The following BCAS3 variants were observed in gnomAD, a reference collection of about 807,000 sequenced individuals.
The protein encoded by BCAS3 is BCAS3 microtubule associated cell migration factor.
A neutral mutation model predicts 116.1 loss-of-function variants in BCAS3; 53 were observed. The observed-to-expected ratio is 0.46, with a 90% confidence interval of 0.37 to 0.57. BCAS3 has a LOEUF of 0.57. BCAS3 is among the 20% of genes least tolerant of loss of function. BCAS3 has a pLI of 0.00. For missense variants in BCAS3, 917 were observed against 1,165.4 expected (o/e 0.79, Z 3.10); for synonymous variants, 391 against 408.2 (o/e 0.96, Z 0.51).
chr17:61,094,057 G>A (rs747027179), intron 22 of BCAS3, among the ~76,000 whole-genome samples: 2 of 152,132 alleles, frequency 1.3e-5, no homozygotes, highest in Non-Finnish European at 2.9e-5. Context: ...AGTATAGATG[G>A]TGCAGAAGCA....
At chr17:61,223,012 A>G (rs2082191095) in intron 22 of BCAS3, among the ~76,000 whole-genome samples, 1 of 152,096 alleles carries the variant, frequency 6.6e-6, no homozygotes, top group South Asian at 2.1e-4. Flanking sequence ...TGTTCCCAAA[A>G]TCACTAGTTT....
chr17:61,248,727 A>G lies in BCAS3; in HGVS notation c.2426-119600A>G, dbSNP rs1446172695. On this transcript the variant is annotated intron_variant, in intron 22 of 23. Coordinates refer to ENST00000407086, the MANE Select transcript of BCAS3 (RefSeq NM_017679.5). This position sits in a 1 kb window ranked among gnomAD's most constrained non-coding sequence, Gnocchi z 4.3. ...TAAGGCCCCTAACACAAATGATACCAGGACTTCTTTGAATATTCTATTTAG... is the reference window on the plus strand; with the variant it reads ...TAAGGCCCCTAACACAAATGATACCGGGACTTCTTTGAATATTCTATTTAG... 3.9e-5 allele frequency among the ~76,000 whole-genome samples: 6 copies of G among 152,110 alleles called. No individual in the cohort carries two copies. Among genetic ancestry groups the G allele is most frequent in the Admixed American group, 2.0e-4 (3 of 15,276 alleles).
chr17:61,380,715 C>T lies in BCAS3; in HGVS notation c.2594-11262C>T. The T allele has an allele frequency of 1.4e-6, 1 of 702,266 alleles. No individual in the cohort carries two copies. Among genetic ancestry groups the T allele is most frequent in the South Asian group, 1.8e-5 (1 of 57,090 alleles). 43.5% of individuals were successfully genotyped at this position (702,266 alleles called of 1,614,324 possible). ...AGGGGTCAGCTCAGATGGGAGGTCT[C>T]TTCTGGAAGGGGACTGGTTTGGGAT... On this transcript the variant is annotated intron_variant, in intron 23 of 23. Transcript: ENST00000407086. The surrounding 1 kb of genome is among the most constrained non-coding windows in gnomAD (Gnocchi z 4.2).
At chr17:61,322,836 G>GAGAGAGAGAGAC (rs2055387865) in intron 22 of BCAS3, among the ~76,000 whole-genome samples, 1 of 139,912 alleles carries the variant, frequency 7.1e-6, no homozygotes, top group Non-Finnish European at 1.5e-5. Flanking sequence ...GAGACAGAGA[G>GAGAGAGAGAGAC]AGAGAGAGAG....
chr17:60,922,509 A>C (rs1599709659), intron 12 of BCAS3, among the ~76,000 whole-genome samples: 1 of 152,234 alleles, frequency 6.6e-6, no homozygotes, highest in Admixed American at 6.5e-5. Flanking sequence ...AATTTTCCAC[A>C]TGCATGTTAG....
intron 22 of BCAS3, among the ~76,000 whole-genome samples, chr17:61,291,119 C>A (rs904610906): frequency 2.6e-5 from 4 of 152,164 alleles, no homozygotes; most frequent in African/African-American, 9.7e-5. Context: ...GAACCAAGTC[C>A]ATTTTGTGTT....
intron 5 of BCAS3, among the ~76,000 whole-genome samples, chr17:60,729,973 T>C (rs2040297664): frequency 6.6e-6 from 1 of 152,234 alleles, no homozygotes; most frequent in Non-Finnish European, 1.5e-5. Context: ...TGGTTTTACA[T>C]TAACATCTAC....
chr17:60,975,504 T>C (rs941340866), intron 14 of BCAS3, among the ~76,000 whole-genome samples: 5 of 152,234 alleles, frequency 3.3e-5, no homozygotes, highest in Non-Finnish European at 7.3e-5. Context: ...GGAAACTGGC[T>C]AGTTAGTGTT....
intron 7 of BCAS3, among the ~76,000 whole-genome samples, chr17:60,826,455 G>A (rs776757455): frequency 2.2e-4 from 33 of 152,110 alleles, no homozygotes; most frequent in South Asian, 2.1e-4. Flanking sequence ...GATTACAGGC[G>A]TGAGCCACCA....
chr17:61,169,516 T>A lies in BCAS3; in HGVS notation c.2425+84952T>A, dbSNP rs147462155. 5.6e-3 allele frequency among the ~76,000 whole-genome samples: 851 copies of A among 152,148 alleles called. 12 individuals are homozygous for A. The highest frequency in any genetic ancestry group is 0.019 in the African/African-American group (809 of 41,512). On this transcript the variant is annotated intron_variant, in intron 22 of 23. Coordinates refer to ENST00000407086, the MANE Select transcript of BCAS3 (RefSeq NM_017679.5). ...TCAAACTCCTGGCCTTATGCAATCC[T>A]CCCATCTTGGCCTCCCAAAGTGCTA...
chr17:61,317,414 G>A (rs2054833722), intron 22 of BCAS3, among the ~76,000 whole-genome samples: 1 of 152,200 alleles, frequency 6.6e-6, no homozygotes, highest in Non-Finnish European at 1.5e-5. Context: ...CCTTTACTGG[G>A]AAACAAGCCT....
rs997988506 is a variant in BCAS3 at position 61,235,197 on chromosome 17, C to T, written c.2426-133130C>T. On this transcript the variant is annotated intron_variant, in intron 22 of 23. Coordinates refer to ENST00000407086, the MANE Select transcript of BCAS3 (RefSeq NM_017679.5). The surrounding 1 kb of genome is among the most constrained non-coding windows in gnomAD (Gnocchi z 5.0). ...CCACCACGCCTGGCTGTCTGCCCCCCGCCTGTCCTAAGCACTTTAAATGTG... is the reference window on the plus strand; with the variant it reads ...CCACCACGCCTGGCTGTCTGCCCCCTGCCTGTCCTAAGCACTTTAAATGTG... Among the ~76,000 whole-genome samples the T allele has an allele frequency of 3.9e-5, 6 of 152,226 alleles. No homozygotes were observed. Among genetic ancestry groups the T allele is most frequent in the African/African-American group, 7.2e-5 (3 of 41,576 alleles).
chr17:61,277,082 A>G (rs938295337), intron 22 of BCAS3, among the ~76,000 whole-genome samples: 10 of 151,924 alleles, frequency 6.6e-5, no homozygotes, highest in Non-Finnish European at 1.0e-4. Context: ...GGGAAACATA[A>G]TGAGACCTTG....
intron 3 of BCAS3, among the ~76,000 whole-genome samples, chr17:60,685,632 C>T (rs902045993): frequency 2.6e-5 from 4 of 151,964 alleles, no homozygotes; most frequent in Non-Finnish European, 5.9e-5. Flanking sequence ...TAAAGGGTGT[C>T]ATGTATATAA....
intron 22 of BCAS3, among the ~76,000 whole-genome samples, chr17:61,277,642 A>G (rs994397233): frequency 1.4e-5 from 2 of 145,236 alleles, no homozygotes; most frequent in Non-Finnish European, 3.0e-5. Flanking sequence ...TACTACATAC[A>G]TACACAATAA....
At chr17:61,195,616 A>T (rs1568552930) in intron 22 of BCAS3, among the ~76,000 whole-genome samples, 1 of 149,750 alleles carries the variant, frequency 6.7e-6, no homozygotes, top group South Asian at 2.1e-4. Context: ...TGCTCAAGTG[A>T]TCCGCCCACC....
rs979594746 is a variant in BCAS3 at position 60,961,034 on chromosome 17, A to G, written c.1221+13682A>G. On this transcript the variant is annotated intron_variant, in intron 14 of 23. Coordinates refer to ENST00000407086, the MANE Select transcript of BCAS3 (RefSeq NM_017679.5). This position sits in a 1 kb window ranked among gnomAD's most constrained non-coding sequence, Gnocchi z 4.8. ...TTGTCAAGCTATACTCCTGGCCTTC[A>G]GAGCACATTTTCCCAACCATGAAAC... is the stretch of plus-strand genomic sequence containing the variant. Among the ~76,000 whole-genome samples the G allele has an allele frequency of 6.6e-6, 1 of 152,124 alleles. No homozygotes were observed. The highest frequency in any genetic ancestry group is 1.5e-5 in the Non-Finnish European group (1 of 68,028).
chr17:61,121,502 A>G (rs1461679393), intron 22 of BCAS3, among the ~76,000 whole-genome samples: 1 of 152,180 alleles, frequency 6.6e-6, no homozygotes, highest in Non-Finnish European at 1.5e-5. Flanking sequence ...TAATGAACTT[A>G]GAAGAGTACA....
intron 5 of BCAS3, among the ~76,000 whole-genome samples, chr17:60,738,546 T>TGGTA (rs2041208717): frequency 6.6e-6 from 1 of 152,214 alleles, no homozygotes; most frequent in South Asian, 2.1e-4. Flanking sequence ...AGTGTTAGCA[T>TGGTA]GGTATATCTT....
Sources: gnomAD v4.1 joint callset for allele counts (sites outside exome capture counted in the v4.1 genomes callset) on GRCh38, gnomAD v4.1.1 for gene constraint, Gnocchi (gnomAD v3.1) non-coding constraint, MANE v1.5 for transcripts, NCBI Gene and HGNC (gene_info 2026-07-23, HGNC 2026-07-21) for gene names.